The following PSME4 variants were observed in gnomAD, a reference collection of about 807,000 sequenced individuals.
The protein encoded by PSME4 is proteasome activator complex subunit 4.
A neutral mutation model predicts 253.9 loss-of-function variants in PSME4; 89 were observed. The observed-to-expected ratio is 0.35, with a 90% CI of 0.30 to 0.42. The LOEUF (loss-of-function observed/expected upper bound fraction) is 0.42. PSME4 is among the 10% of genes least tolerant of loss of function. The pLI, the probability that PSME4 is intolerant of heterozygous loss-of-function variation, is 1.00. For synonymous variants in PSME4, 851 were observed against 759.2 expected (o/e 1.12, Z -1.99); for missense variants, 2,014 against 2,195.2 (o/e 0.92, Z 1.65).
intron 41 of PSME4, among the ~76,000 whole-genome samples, chr2:53,878,702 C>T (rs1343858614): frequency 6.6e-6 from 1 of 152,216 alleles, no homozygotes; most frequent in African/African-American, 2.4e-5. Context: ...GTAGTGCTCC[C>T]AGGCTTATTA....
chr2:53,866,330 C>T (rs1312253391), intron 45 of PSME4, 107 bp from the exon 46 acceptor site: 1 of 1,233,268 alleles, frequency 8.1e-7, no homozygotes, highest in Non-Finnish European at 1.1e-6. Context: ...AGATCTCACA[C>T]AATACCAAGT....
Position 53,928,228 on chromosome 2 carries a change from G to C in PSME4, c.1392C>G (p.Ala464=), listed in dbSNP as rs770712653. ...TATLSCVIGV[A]RSLVSGGRWF... ...ATCTGCCTCCTGATACCAAACTGCGGGCTACTCCAATTACACAACTTAAAG... is the reference window on the plus strand; with the variant it reads ...ATCTGCCTCCTGATACCAAACTGCGCGCTACTCCAATTACACAACTTAAAG... Residue 464 remains alanine, a synonymous_variant, in exon 11 of 47, where the codon GCC becomes GCG. Coordinates refer to ENST00000404125, the MANE Select transcript of PSME4 (RefSeq NM_014614.3). 1.9e-6 allele frequency: 3 copies of C among 1,613,972 alleles called. No homozygotes were observed. The highest frequency in any genetic ancestry group is 2.7e-5 in the African/African-American group (2 of 74,888).
In PSME4 at chr2:53,893,741, G is replaced by A; in HGVS notation, c.3971C>T (p.Thr1324Ile). 1 of 1,610,988 alleles carries A rather than the reference G, an allele frequency of 6.2e-7. No homozygotes were observed. Among genetic ancestry groups the A allele is most frequent in the South Asian group, 1.1e-5 (1 of 90,808 alleles). The change falls in exon 35 of 47, where the codon ACT becomes ATT. Residue 1324 changes from threonine to isoleucine, a missense_variant. Physicochemically the swap from Thr to Ile is moderately conservative, Grantham distance 89. Around this residue, in one of 4 missense-constraint regions of PSME4, gnomAD observed 989 missense variants for 1,021.1 expected, o/e 0.97. Transcript: ENST00000404125. ...TTTTCTGTCTTCTAATGATAGAAAA[G>A]TAATTAACTGCTCAACAAATTTAGG... ...SDPKFVEQLI[T>I]FLSLEDRKGK...
intron 10 of PSME4, among the ~76,000 whole-genome samples, chr2:53,929,882 G>C (rs1026090749): frequency 2.0e-5 from 3 of 151,948 alleles, no homozygotes; most frequent in East Asian, 1.9e-4. Context: ...GCTGGGCATG[G>C]TGGCAGACAC....
intron 41 of PSME4, among the ~76,000 whole-genome samples, chr2:53,883,862 C>A (rs1281340171): frequency 2.0e-5 from 3 of 152,066 alleles, no homozygotes; most frequent in Non-Finnish European, 2.9e-5. Flanking sequence ...CTGAACTCTG[C>A]TGCACTATTC....
chr2:53,923,833 G>A (rs1010769830), intron 14 of PSME4, among the ~76,000 whole-genome samples: 2 of 145,030 alleles, frequency 1.4e-5, no homozygotes, highest in East Asian at 2.1e-4. Context: ...TGAGGCATGC[G>A]AATTGCTTGA....
intron 3 of PSME4, among the ~76,000 whole-genome samples, chr2:53,945,476 AAGAC>A (rs1023180342): frequency 6.6e-6 from 1 of 152,308 alleles, no homozygotes; most frequent in Non-Finnish European, 1.5e-5. Flanking sequence ...TAGAGGCAAA[AAGAC>A]AGACAGAAAG....
Position 53,932,659 on chromosome 2 carries a change from G to A in PSME4, c.1050+9C>T. The A allele has an allele frequency of 6.9e-6, 11 of 1,599,658 alleles. No homozygotes were observed. Among genetic ancestry groups the A allele is most frequent in the Non-Finnish European group, 9.4e-6 (11 of 1,166,930 alleles). On this transcript the variant is annotated intron_variant, in intron 9 of 46. Coordinates refer to ENST00000404125, the MANE Select transcript of PSME4 (RefSeq NM_014614.3). ...TCCAAGCCCTATAATGCAAAACGAA[G>A]TTACTCACCAGCCAGCGCCCATTAT... is the stretch of plus-strand genomic sequence containing the variant.
chr2:53,890,305 A>G (rs769671275), intron 36 of PSME4, 97 bp from the exon 37 acceptor site: 90 of 798,996 alleles, frequency 1.1e-4, no homozygotes, highest in Non-Finnish European at 1.5e-4. Context: ...ACATACAGGT[A>G]TATCATTTAA....
Position 53,874,371 on chromosome 2 carries a change from C to G in PSME4, c.5068G>C (p.Val1690Leu), listed in dbSNP as rs1679027902. 6.2e-7 allele frequency: 1 copy of G among 1,613,622 alleles called. No individual in the cohort carries two copies. The highest frequency in any genetic ancestry group is 1.1e-5 in the South Asian group (1 of 90,976). The stretch of plus-strand genomic sequence containing the variant: ...TGTTCGTCCTCCAAAAGACTTATAA[C>G]CAGCCACCTGATATCTTTAACTGCA... The part of the protein sequence containing the change: ...EDAVKDIRWL[V>L]ISLLEDEQLE... The change falls in exon 43 of 47, where the codon GTT becomes CTT. Residue 1690 changes from valine to leucine, a missense_variant. Transcript: ENST00000404125.
intron 1 of PSME4, among the ~76,000 whole-genome samples, chr2:53,966,944 T>G (rs942121024): frequency 9.2e-5 from 14 of 152,124 alleles, no homozygotes; most frequent in Admixed American, 7.9e-4. Flanking sequence ...GTGATCCGTC[T>G]GCCTCGGCCT....
intron 1 of PSME4, among the ~76,000 whole-genome samples, chr2:53,959,168 T>TTATTTTG (rs1317542507): frequency 2.0e-5 from 3 of 152,024 alleles, no homozygotes; most frequent in Non-Finnish European, 4.4e-5. Context: ...AATACAAAAA[T>TTATTTTG]TATTTTGTAT....
Position 53,940,970 on chromosome 2 carries a change from T to TACATATTTAA in PSME4, c.501-971_501-970insTTAAATATGT, listed in dbSNP as rs1558413968. ...ATATATACATATATATATATATATA[T>TACATATTTAA]ATATATATATATATATATATATATA... is the stretch of plus-strand genomic sequence containing the variant. On this transcript the variant is annotated intron_variant, in intron 3 of 46. Coordinates refer to ENST00000404125, the MANE Select transcript of PSME4 (RefSeq NM_014614.3). Among the ~76,000 whole-genome samples the TACATATTTAA allele has an allele frequency of 2.4e-3, 158 of 66,982 alleles. 5 individuals are homozygous for TACATATTTAA. The highest frequency in any genetic ancestry group is 4.8e-3 in the South Asian group (9 of 1,888). 43.9% of individuals were successfully genotyped at this position (66,982 alleles called of 152,430 possible).
intron 1 of PSME4, among the ~76,000 whole-genome samples, chr2:53,957,949 G>GC (rs1349748590): frequency 6.6e-6 from 1 of 152,054 alleles, no homozygotes; most frequent in African/African-American, 2.4e-5. Flanking sequence ...AAACTTGTTG[G>GC]CCAGGAGCAG....
At chr2:53,966,267 G>C (rs1173456390) in intron 1 of PSME4, among the ~76,000 whole-genome samples, 1 of 152,178 alleles carries the variant, frequency 6.6e-6, no homozygotes, top group East Asian at 1.9e-4. Context: ...CTGGATGACA[G>C]AGCGAGACTC....
chr2:53,893,532 T>C (rs188219761), intron 35 of PSME4, 142 bp downstream of exon 35: 1 of 1,456,278 alleles, frequency 6.9e-7, no homozygotes, highest in East Asian at 2.5e-5. Flanking sequence ...ACAACAAAAG[T>C]CTGTACATGT....
intron 41 of PSME4, among the ~76,000 whole-genome samples, chr2:53,880,953 T>TGAC (rs1679354327): frequency 6.6e-6 from 1 of 152,214 alleles, no homozygotes; most frequent in African/African-American, 2.4e-5. Flanking sequence ...GAATTTAAGA[T>TGAC]GACTCACTTC....
chr2:53,941,435 T>TA (rs956777146), intron 3 of PSME4, among the ~76,000 whole-genome samples: 51 of 148,990 alleles, frequency 3.4e-4, no homozygotes, highest in Non-Finnish European at 4.0e-4. Context: ...GTTTGCCCAT[T>TA]AAAAAAAAAC....
Position 53,887,418 on chromosome 2 carries a change from G to A in PSME4, c.4570C>T (p.Pro1524Ser). Residue 1524 changes from proline to serine, a missense_variant, in exon 40 of 47, where the codon CCA becomes TCA. By Grantham distance (74) the Pro-to-Ser change is moderately conservative. This residue lies in a region of PSME4 where 403 missense variants were observed against 556.1 expected (regional missense o/e 0.72). Transcript: ENST00000404125. ...MIDVSLPNTT[P>S]TISPHVPEFT... ...TCAGGGACATGAGGCGATATGGTTG[G>A]TGTGGTATTTGGCAAAGATACATCT... 1 of 1,613,954 alleles carries A rather than the reference G, an allele frequency of 6.2e-7. No individual in the cohort carries two copies. The highest frequency in any genetic ancestry group is 8.5e-7 in the Non-Finnish European group (1 of 1,179,884).
Sources: gnomAD v4.1 joint callset for allele counts (sites outside exome capture counted in the v4.1 genomes callset) on GRCh38, gnomAD v4.1.1 for gene constraint, gnomAD v4.1.1 regional missense constraint, MANE v1.5 for transcripts, NCBI Gene and HGNC (gene_info 2026-07-23, HGNC 2026-07-21) for gene names.